The following GABRG3 variants were observed in gnomAD, a reference collection of about 807,000 sequenced individuals.
GABRG3 encodes the protein gamma-aminobutyric acid type A receptor subunit gamma3, also known as gamma-aminobutyric acid receptor subunit gamma-3.
GABRG3 carries 25 observed loss-of-function variants against 48.8 expected under a neutral mutation model. The ratio of observed to expected loss-of-function variants is 0.51; its 90% CI spans 0.37 to 0.72. The LOEUF (loss-of-function observed/expected upper bound fraction) is 0.72, where lower values mean the gene tolerates loss of function less well. Ranked by LOEUF, GABRG3 falls within the 30% of genes least tolerant of loss-of-function variation. The pLI, the probability that GABRG3 is intolerant of heterozygous loss-of-function variation, is 0.00. For missense variants in GABRG3, 394 were observed against 577.9 expected (o/e 0.68, Z 3.26); for synonymous variants, 227 against 217.6 (o/e 1.04, Z -0.38).
intron 3 of GABRG3, among the ~76,000 whole-genome samples, chr15:27,268,872 C>T (rs1040395500): frequency 6.6e-6 from 1 of 152,308 alleles, no homozygotes; most frequent in South Asian, 2.1e-4. Context: ...CTTTCTCACA[C>T]TAAGACCCAG....
intron 3 of GABRG3, among the ~76,000 whole-genome samples, chr15:27,155,943 C>A (rs759677209): frequency 6.6e-6 from 1 of 151,984 alleles, no homozygotes; most frequent in East Asian, 1.9e-4. Flanking sequence ...CCTTTGTGAG[C>A]GAAGCCAAGT....
At chr15:27,225,057 G>A (rs1889568067) in intron 3 of GABRG3, among the ~76,000 whole-genome samples, 1 of 152,114 alleles carries the variant, frequency 6.6e-6, no homozygotes, top group Non-Finnish European at 1.5e-5. Context: ...AAAGACTAGA[G>A]TTCCTTCTTC....
intron 3 of GABRG3, among the ~76,000 whole-genome samples, chr15:27,206,604 G>A (rs868659016): frequency 4.6e-5 from 7 of 152,124 alleles, no homozygotes; most frequent in African/African-American, 1.2e-4. Flanking sequence ...CGAGATCTTC[G>A]TTAGTATTCT....
Position 27,352,358 on chromosome 15 carries a change from G to C in GABRG3, c.574+23470G>C, listed in dbSNP as rs1004115139. On this transcript the variant is annotated intron_variant, in intron 5 of 9. Coordinates refer to ENST00000615808, the MANE Select transcript of GABRG3 (RefSeq NM_033223.5). The surrounding 1 kb of genome is among the most constrained non-coding windows in gnomAD (Gnocchi z 4.0). ...CCCCGCACACTTCAAGGGGTGATGGGGTGGGATCTCTGCCAATTTCTCTTA... is the reference window on the plus strand; with the variant it reads ...CCCCGCACACTTCAAGGGGTGATGGCGTGGGATCTCTGCCAATTTCTCTTA... Among the ~76,000 whole-genome samples, 2 of 151,944 alleles carry C rather than the reference G, an allele frequency of 1.3e-5. No individual in the cohort carries two copies. The highest frequency in any genetic ancestry group is 2.9e-5 in the Non-Finnish European group (2 of 67,996).
intron 3 of GABRG3, among the ~76,000 whole-genome samples, chr15:27,231,741 A>G (rs1263691600): frequency 6.6e-6 from 1 of 152,188 alleles, no homozygotes; most frequent in Admixed American, 6.5e-5. Flanking sequence ...TTTGTTTGAT[A>G]TTGTAACACT....
chr15:27,040,357 T>C (rs1433826079), intron 3 of GABRG3, among the ~76,000 whole-genome samples: 1 of 152,168 alleles, frequency 6.6e-6, no homozygotes, highest in African/African-American at 2.4e-5. Context: ...GTGCTTCCCA[T>C]AGGGCATAGC....
intron 3 of GABRG3, among the ~76,000 whole-genome samples, chr15:27,258,702 A>G (rs184441943): frequency 6.6e-6 from 1 of 152,344 alleles, no homozygotes. Context: ...AATCAGGGTA[A>G]TTAGCATATC....
intron 5 of GABRG3, among the ~76,000 whole-genome samples, chr15:27,376,649 T>A (rs1289665543): frequency 2.0e-5 from 3 of 152,162 alleles, no homozygotes; most frequent in African/African-American, 4.8e-5. Flanking sequence ...GTTGGCCCCT[T>A]TCAGCCATGG....
intron 2 of GABRG3, among the ~76,000 whole-genome samples, chr15:26,995,361 C>A (rs928989089): frequency 2.0e-5 from 3 of 151,952 alleles, no homozygotes; most frequent in Non-Finnish European, 4.4e-5. Flanking sequence ...ATGTGTCTCC[C>A]CTAGACAACA....
At chr15:27,257,530 GATAT>G (rs1726752747) in intron 3 of GABRG3, among the ~76,000 whole-genome samples, 1 of 152,114 alleles carries the variant, frequency 6.6e-6, no homozygotes, top group Non-Finnish European at 1.5e-5. Flanking sequence ...AAGTCTTTAA[GATAT>G]TTCTGAGTTG....
At chr15:27,328,726 C>G (rs1474404838) in intron 4 of GABRG3, 80 bp from the exon 5 acceptor site, 2 of 1,186,908 alleles carry the variant, frequency 1.7e-6, no homozygotes, top group African/African-American at 1.5e-5. Flanking sequence ...CCTCTCCATC[C>G]CCACATGGGG....
chr15:27,172,649 T>C (rs781647031), intron 3 of GABRG3, among the ~76,000 whole-genome samples: 22 of 152,134 alleles, frequency 1.4e-4, no homozygotes, highest in Non-Finnish European at 2.9e-4. Context: ...CCTCCTGCAG[T>C]GTCCAGGTAG....
rs1164478290 is a variant in GABRG3, at chr15:27,309,660, CAA to C, written c.271-17148_271-17147del. On this transcript the variant is annotated intron_variant, in intron 3 of 9. Coordinates refer to ENST00000615808, the MANE Select transcript of GABRG3 (RefSeq NM_033223.5). ...TTTTAACTTCAATAAAAATTGCTGA[CAA>C]GAGCAAGGAAAGTAATAGATGTGGA... Among the ~76,000 whole-genome samples the C allele has an allele frequency of 3.9e-5, 6 of 152,040 alleles. No homozygotes were observed. In the East Asian group the frequency reaches 9.7e-4, roughly 24 times the overall value.
intron 5 of GABRG3, among the ~76,000 whole-genome samples, chr15:27,423,599 A>G (rs1048458419): frequency 1.3e-5 from 2 of 150,904 alleles, no homozygotes; most frequent in African/African-American, 2.4e-5. Context: ...AAGCTTGAGT[A>G]CAGTGGCACA....
intron 5 of GABRG3, among the ~76,000 whole-genome samples, chr15:27,377,487 C>T (rs920286687): frequency 2.0e-5 from 3 of 152,140 alleles, no homozygotes; most frequent in African/African-American, 7.2e-5. Flanking sequence ...GCTGGGGAGG[C>T]CTCACAATCC....
chr15:27,430,770 G>T (rs59012862), intron 5 of GABRG3, among the ~76,000 whole-genome samples: 1,937 of 151,984 alleles, frequency 0.013, 44 homozygotes, highest in African/African-American at 0.044. Flanking sequence ...CAGGTGGATC[G>T]CCTGAAGCCA....
intron 2 of GABRG3, among the ~76,000 whole-genome samples, chr15:26,982,007 T>A (rs1051754362): frequency 1.3e-5 from 2 of 152,176 alleles, no homozygotes; most frequent in African/African-American, 4.8e-5. Context: ...TCCTATGCAA[T>A]GAAAGAGAGG....
intron 3 of GABRG3, among the ~76,000 whole-genome samples, chr15:27,235,705 A>G (rs1440495678): frequency 2.0e-5 from 3 of 152,220 alleles, no homozygotes; most frequent in Non-Finnish European, 4.4e-5. Context: ...GCAATAAACC[A>G]GAGAAATGAA....
At chr15:27,055,019 T>TGTTTTGTTTTG (rs61132248) in intron 3 of GABRG3, among the ~76,000 whole-genome samples, 3 of 151,376 alleles carry the variant, frequency 2.0e-5, no homozygotes, top group East Asian at 1.9e-4. Flanking sequence ...TTTTTTTTTT[T>TGTTTTGTTTTG]TTTTTTTTAA....
Sources: allele counts gnomAD v4.1 joint callset (sites outside exome capture counted in the v4.1 genomes callset), GRCh38; gene constraint gnomAD v4.1.1; non-coding constraint Gnocchi (gnomAD v3.1); transcripts MANE v1.5; gene names NCBI Gene and HGNC (gene_info 2026-07-23, HGNC 2026-07-21).